Variants in STK3 observed in about 807,000 individuals in gnomAD.
STK3 encodes serine/threonine kinase 3, also known as serine/threonine-protein kinase 3.
In STK3, 41 loss-of-function variants were observed where a neutral mutation model predicts 58.0. That is an observed-to-expected ratio of 0.71 (90% confidence interval 0.55 to 0.92). The LOEUF (loss-of-function observed/expected upper bound fraction) is 0.92. STK3 is among the 40% of genes least tolerant of loss of function. The pLI, the probability that STK3 is intolerant of heterozygous loss-of-function variation, is 0.00. For missense variants in STK3, 479 were observed against 602.7 expected (o/e 0.79, Z 2.15); for synonymous variants, 170 against 191.0 (o/e 0.89, Z 0.91).
intron 4 of STK3, among the ~76,000 whole-genome samples, chr8:98,741,392 T>G (rs1829194903): frequency 6.6e-6 from 1 of 152,164 alleles, no homozygotes; most frequent in South Asian, 2.1e-4. Context: ...TATAACAAAC[T>G]GTCTCTCAGA....
chr8:98,429,113 G>A (rs200896492), intron 3 of STK3: 2 of 1,613,478 alleles, frequency 1.2e-6, no homozygotes, highest in East Asian at 2.2e-5. Flanking sequence ...TGGGGTACGG[G>A]GATGTGGTCC....
exon 2 of STK3, chr8:98,883,825 A>G (rs1426068040): frequency 1.5e-5 from 10 of 675,132 alleles, no homozygotes; most frequent in Non-Finnish European, 2.4e-5. Context: ...AAGAAGGGAC[A>G]TTGAATGGCC....
intron 1 of STK3, among the ~76,000 whole-genome samples, chr8:98,385,689 C>CG (rs1554586002): frequency 1.3e-5 from 2 of 152,010 alleles, no homozygotes; most frequent in Non-Finnish European, 2.9e-5. Flanking sequence ...CTTCAGTGGG[C>CG]GGGGGGAGAT....
intron 6 of STK3, among the ~76,000 whole-genome samples, chr8:98,690,622 C>A (rs1158801166): frequency 6.6e-6 from 1 of 152,064 alleles, no homozygotes; most frequent in Non-Finnish European, 1.5e-5. Context: ...TCATACTGCC[C>A]AAAGCAATCT....
At chr8:98,633,854 CA>C in intron 6 of STK3, 1 of 414,538 alleles carries the variant, frequency 2.4e-6, no homozygotes. Flanking sequence ...TTGAAGTCAT[CA>C]AAAAACCCCA....
At chr8:98,921,760 C>T (rs564678008) in intron 1 of STK3, among the ~76,000 whole-genome samples, 42 of 152,130 alleles carry the variant, frequency 2.8e-4, no homozygotes, top group African/African-American at 7.0e-4. Flanking sequence ...GGCATGATTT[C>T]GGCTCACTGC....
intron 9 of STK3, among the ~76,000 whole-genome samples, chr8:98,529,140 C>T (rs10099978): frequency 6.6e-6 from 1 of 151,932 alleles, no homozygotes; most frequent in Admixed American, 6.6e-5. Context: ...TTAGTTGGGA[C>T]GAGCTTTAAG....
At chr8:98,361,123 C>A in the STK3 span, among the ~76,000 whole-genome samples, 4 of 151,660 alleles carry the variant, frequency 2.6e-5, no homozygotes, top group Admixed American at 2.0e-4. Flanking sequence ...CACTGAGTAC[C>A]CCCCTTCCCA....
At chr8:98,427,994 C>T (rs751388948) in intron 3 of STK3, 2 of 1,562,874 alleles carry the variant, frequency 1.3e-6, no homozygotes, top group South Asian at 1.2e-5. Context: ...CCGGCCAGAG[C>T]CTGTGGGACG....
At chr8:98,771,300 T>C (rs1032427386) in intron 2 of STK3, among the ~76,000 whole-genome samples, 13 of 152,212 alleles carry the variant, frequency 8.5e-5, no homozygotes, top group Non-Finnish European at 1.6e-4. Context: ...GGCTAAAAGG[T>C]CACTGTACAG....
chr8:98,429,660 A>C (rs934347968), intron 3 of STK3: 4 of 493,482 alleles, frequency 8.1e-6, no homozygotes, highest in Middle Eastern at 5.3e-4. Context: ...CGTGGGCATA[A>C]AATGTTCACC....
intron 6 of STK3, among the ~76,000 whole-genome samples, chr8:98,694,384 T>C (rs1349132286): frequency 6.6e-6 from 1 of 152,144 alleles, no homozygotes; most frequent in African/African-American, 2.4e-5. Context: ...AGTTTTAGGG[T>C]ACATGTGCAC....
At chr8:98,391,565 A>G (rs1469703634), upstream of STK3, 1 of 152,016 alleles carries the variant, frequency 6.6e-6, no homozygotes, top group East Asian at 1.9e-4. Context: ...TCTGCTGTGC[A>G]CCTCCCACAA....
intron 6 of STK3, among the ~76,000 whole-genome samples, chr8:98,650,672 G>T (rs1030878754): frequency 6.6e-6 from 1 of 152,190 alleles, no homozygotes; most frequent in South Asian, 2.1e-4. Flanking sequence ...AAAAAACAGC[G>T]CACCAGGAGA....
intron 1 of STK3, among the ~76,000 whole-genome samples, chr8:98,885,151 T>C (rs1837936976): frequency 6.6e-6 from 1 of 152,234 alleles, no homozygotes; most frequent in Non-Finnish European, 1.5e-5. Context: ...AAACTTCTCA[T>C]AACATACCAG....
intron 1 of STK3, among the ~76,000 whole-genome samples, chr8:98,805,400 C>T (rs2131644833): frequency 6.6e-6 from 1 of 152,156 alleles, no homozygotes; most frequent in South Asian, 2.1e-4. Context: ...AATGGTGAAA[C>T]CCCGTCTCCA....
intron 1 of STK3, among the ~76,000 whole-genome samples, chr8:98,783,843 T>C (rs1341582471): frequency 3.9e-5 from 6 of 152,148 alleles, no homozygotes; most frequent in Non-Finnish European, 8.8e-5. Flanking sequence ...AGCAAGATAG[T>C]GTACAAAGGC....
intron 3 of STK3, among the ~76,000 whole-genome samples, chr8:98,752,678 GA>G (rs1438202074): frequency 2.7e-5 from 4 of 149,996 alleles, no homozygotes; most frequent in Admixed American, 6.7e-5. Flanking sequence ...CAAAATGAAA[GA>G]ACATTTTTGA....
intron 1 of STK3, among the ~76,000 whole-genome samples, chr8:98,781,796 TA>T (rs75163285): frequency 0.014 from 2,014 of 142,928 alleles, 31 homozygotes; most frequent in African/African-American, 0.042. Context: ...GTCAAAAAAA[TA>T]AAAAAAAAAA....
Sources: allele counts gnomAD v4.1 joint callset (sites outside exome capture counted in the v4.1 genomes callset), GRCh38; gene constraint gnomAD v4.1.1; transcripts MANE v1.5; gene names NCBI Gene and HGNC (gene_info 2026-07-23, HGNC 2026-07-21).